CAMK2D: variants seen among roughly 807,000 people sequenced by gnomAD.
The protein encoded by CAMK2D is calcium/calmodulin-dependent protein kinase type II subunit delta.
CAMK2D carries 37 observed loss-of-function variants against 84.0 expected under a neutral mutation model. The observed-to-expected ratio is 0.44, with a 90% CI of 0.34 to 0.58. The LOEUF is 0.58. Among genes scored for constraint, CAMK2D ranks in the 20% least tolerant of loss-of-function variants. The probability of loss-of-function intolerance (pLI) is 0.02; values close to 1 mark genes in which losing one functional copy is unlikely to be tolerated. For missense variants in CAMK2D, 448 were observed against 652.5 expected, an observed-to-expected ratio of 0.69 and a Z score of 3.41; for synonymous variants, 202 against 212.5, an observed-to-expected ratio of 0.95 and a Z score of 0.43.
At position 113,454,214 on chromosome 4, in the gene CAMK2D, A is replaced by G. The variant is rs2097278349; in HGVS notation, c.*331T>C. 1 of 253,874 alleles carries G rather than the reference A, an allele frequency of 3.9e-6. No individual in the cohort carries two copies. Among genetic ancestry groups the G allele is most frequent in the African/African-American group, 2.2e-5 (1 of 44,860 alleles). The allele number at this position is 253,874 out of a possible 1,614,324, so 15.7% of individuals were successfully genotyped here. ...TTAAGTCTGTTAAATCTTGGCATTA[A>G]CAGAGAAACTTGATGAAGAGTTGTA... On this transcript the variant is annotated 3_prime_UTR_variant, in exon 21 of 21. Coordinates refer to ENST00000511664, the MANE Select transcript of CAMK2D (RefSeq NM_001321571.2).
intron 12 of CAMK2D, among the ~76,000 whole-genome samples, chr4:113,510,422 A>C (rs1157925883): frequency 6.6e-6 from 1 of 152,212 alleles, no homozygotes; most frequent in African/African-American, 2.4e-5. Flanking sequence ...AAATTAGAGA[A>C]ATCTTAAAGC....
Position 113,740,430 on chromosome 4 carries a change from T to G in CAMK2D, c.160+18890A>C, listed in dbSNP as rs2099590115. 2.0e-5 allele frequency among the ~76,000 whole-genome samples: 3 copies of G among 152,112 alleles called. No homozygotes were observed. In the South Asian group the frequency reaches 6.2e-4, roughly 32 times the overall value. On this transcript the variant is annotated intron_variant, in intron 2 of 20. Coordinates refer to ENST00000511664, the MANE Select transcript of CAMK2D (RefSeq NM_001321571.2). ...TTCCACTGACATGAAATGTTCAGAA[T>G]AAAACCTATAGAGACAGAAAATAGA...
chr4:113,582,245 G>A (rs537647996), intron 4 of CAMK2D, among the ~76,000 whole-genome samples: 24 of 152,282 alleles, frequency 1.6e-4, no homozygotes, highest in East Asian at 5.8e-4. Context: ...TAGGGTGTGC[G>A]TAGGATTTAT....
intron 9 of CAMK2D, 129 bp from the exon 10 acceptor site, chr4:113,515,320 A>T (rs1385354105): frequency 6.8e-6 from 4 of 584,920 alleles, no homozygotes; most frequent in Non-Finnish European, 8.7e-6. Flanking sequence ...ATATAAGTTA[A>T]GTTGTATCTA....
Position 113,720,053 on chromosome 4 carries a change from A to T in CAMK2D, c.160+39267T>A, listed in dbSNP as rs72678794. 9.4e-3 allele frequency among the ~76,000 whole-genome samples: 1,424 copies of T among 152,242 alleles called. 90 individuals are homozygous for T. The highest frequency in any genetic ancestry group is 0.087 in the Admixed American group (1,323 of 15,274). ...ACTGTGAAATTTTGGTTTGGACAAC[A>T]GAGTTGCAAATGTAAAGGCAAAGCT... On this transcript the variant is annotated intron_variant, in intron 2 of 20. Transcript: ENST00000511664.
intron 3 of CAMK2D, among the ~76,000 whole-genome samples, chr4:113,629,401 T>C (rs1247356320): frequency 2.0e-5 from 3 of 152,114 alleles, no homozygotes; most frequent in Non-Finnish European, 4.4e-5. Flanking sequence ...AAGGTAAATT[T>C]CTGGTTTTTA....
intron 2 of CAMK2D, among the ~76,000 whole-genome samples, chr4:113,688,247 AAGG>A (rs2099365782): frequency 6.6e-6 from 1 of 152,220 alleles, no homozygotes; most frequent in South Asian, 2.1e-4. Context: ...TGTCCCTCAC[AAGG>A]AGGTCTGTGT....
rs1485642556 is a variant in CAMK2D at position 113,672,056 on chromosome 4, TAGA to T, written c.161-10287_161-10285del. On this transcript the variant is annotated intron_variant, in intron 2 of 20. Coordinates refer to ENST00000511664, the MANE Select transcript of CAMK2D (RefSeq NM_001321571.2). ...TCCTTGTTATGCTTATGAAAAAAAGTAGAAGATGAGAATGTATTGTTTAAATTC... is the reference window on the plus strand; with the variant it reads ...TCCTTGTTATGCTTATGAAAAAAAGTAGATGAGAATGTATTGTTTAAATTC... Among the ~76,000 whole-genome samples the T allele has an allele frequency of 2.6e-5, 4 of 152,128 alleles. No individual in the cohort carries two copies. The East Asian group carries it at 5.8e-4, about 22-fold the overall frequency.
At chr4:113,685,264 G>A (rs1439516307) in intron 2 of CAMK2D, among the ~76,000 whole-genome samples, 3 of 146,666 alleles carry the variant, frequency 2.0e-5, no homozygotes, top group African/African-American at 7.6e-5. Flanking sequence ...TTTTAGACAA[G>A]GTCTTACTCT....
At chr4:113,498,649 A>ACTAT (rs1382552027) in intron 16 of CAMK2D, among the ~76,000 whole-genome samples, 1 of 152,228 alleles carries the variant, frequency 6.6e-6, no homozygotes, top group Non-Finnish European at 1.5e-5. Context: ...AAATACAAAT[A>ACTAT]CTATCTCAAT....
chr4:113,673,828 T>C (rs2099305191), intron 2 of CAMK2D, among the ~76,000 whole-genome samples: 1 of 152,214 alleles, frequency 6.6e-6, no homozygotes, highest in African/African-American at 2.4e-5. Context: ...TCAGGACTTT[T>C]AAAATCCTGA....
intron 6 of CAMK2D, among the ~76,000 whole-genome samples, chr4:113,543,263 ATT>A (rs1020377879): frequency 6.6e-6 from 1 of 152,174 alleles, no homozygotes; most frequent in Admixed American, 6.5e-5. Flanking sequence ...AAAAATTGTC[ATT>A]TGTTACTGCA....
chr4:113,697,035 C>A (rs1341756511), intron 2 of CAMK2D, among the ~76,000 whole-genome samples: 1 of 152,044 alleles, frequency 6.6e-6, no homozygotes, highest in African/African-American at 2.4e-5. Flanking sequence ...TCCAAGGAGT[C>A]TTGATTTGGT....
At chr4:113,460,377 C>T in intron 17 of CAMK2D, 136 bp from the exon 18 acceptor site, 1 of 666,850 alleles carries the variant, frequency 1.5e-6, no homozygotes, top group Non-Finnish European at 2.7e-6. Flanking sequence ...AAAGTTCTAT[C>T]ATAAACCTTG....
In CAMK2D at chr4:113,761,339, C is replaced by T. The variant is rs1039312580; in HGVS notation, c.-271G>A. On this transcript the variant is annotated 5_prime_UTR_variant, in exon 1 of 21. Coordinates refer to ENST00000511664, the MANE Select transcript of CAMK2D (RefSeq NM_001321571.2). Reference sequence around the variant, plus strand: ...CCTTCTTCTCCACTGGACGCTCCACCCGCCCCTTTTCCAGTCCCTGTCCCC... The same window carrying T: ...CCTTCTTCTCCACTGGACGCTCCACTCGCCCCTTTTCCAGTCCCTGTCCCC... 24 of 1,389,424 alleles carry T rather than the reference C, an allele frequency of 1.7e-5. No individual in the cohort carries two copies. The East Asian group carries it at 5.8e-4, about 34-fold the overall frequency. 86.1% of individuals were successfully genotyped at this position (1,389,424 alleles called of 1,614,324 possible).
chr4:113,464,997 G>C (rs2097439345), intron 17 of CAMK2D, among the ~76,000 whole-genome samples: 1 of 152,100 alleles, frequency 6.6e-6, no homozygotes. Flanking sequence ...ATCTCCAATC[G>C]TTGGATCAGA....
chr4:113,582,221 G>A (rs2098813636), intron 4 of CAMK2D, among the ~76,000 whole-genome samples: 1 of 152,156 alleles, frequency 6.6e-6, no homozygotes, highest in Admixed American at 6.5e-5. Flanking sequence ...GACATGTAGG[G>A]TGGCCCACCC....
chr4:113,760,638 C>T (rs1444680108), intron 1 of CAMK2D, among the ~76,000 whole-genome samples: 1 of 152,182 alleles, frequency 6.6e-6, no homozygotes, highest in African/African-American at 2.4e-5. Flanking sequence ...TTGCATTTTA[C>T]ATGGGTTCTA....
chr4:113,600,156 A>G lies in CAMK2D; in HGVS notation c.275+8996T>C, dbSNP rs899811572. ...GGGTAAGGAGGACAGAACAGGCAGAAGACAGAAGATTTTTAGGGCAATGCA... is the reference window on the plus strand; with the variant it reads ...GGGTAAGGAGGACAGAACAGGCAGAGGACAGAAGATTTTTAGGGCAATGCA... On this transcript the variant is annotated intron_variant, in intron 4 of 20. Coordinates refer to ENST00000511664, the MANE Select transcript of CAMK2D (RefSeq NM_001321571.2). 3.3e-5 allele frequency among the ~76,000 whole-genome samples: 5 copies of G among 152,342 alleles called. No homozygotes were observed. The East Asian group carries it at 9.6e-4, about 29-fold the overall frequency.
Sources: gnomAD v4.1 joint callset for allele counts (sites outside exome capture counted in the v4.1 genomes callset) on GRCh38, gnomAD v4.1.1 for gene constraint, MANE v1.5 for transcripts, NCBI Gene and HGNC (gene_info 2026-07-23, HGNC 2026-07-21) for gene names.